Variants in C1S observed in about 807,000 individuals in gnomAD.
C1S encodes the protein complement C1s subcomponent.
A neutral mutation model predicts 54.0 loss-of-function variants in C1S; 31 were observed. The ratio of observed to expected loss-of-function variants is 0.57; its 90% CI spans 0.43 to 0.78. The LOEUF (loss-of-function observed/expected upper bound fraction) is 0.78. Ranked by LOEUF, C1S falls within the 30% of genes least tolerant of loss-of-function variation. The probability of loss-of-function intolerance (pLI) is 0.00; values close to 1 mark genes in which losing one functional copy is unlikely to be tolerated. For missense variants in C1S, 727 were observed against 851.8 expected (o/e 0.85, Z 1.82); for synonymous variants, 292 against 303.6 (o/e 0.96, Z 0.40).
rs917851913 is a variant in C1S at position 7,064,411 on chromosome 12, G to A, written c.517+19G>A. 4 of 1,613,930 alleles carry A rather than the reference G, an allele frequency of 2.5e-6. No homozygotes were observed. In the African/African-American group the frequency reaches 4.0e-5, roughly 16 times the overall value. On this transcript the variant is annotated intron_variant, in intron 5 of 11. Transcript: ENST00000360817. ...TGCGGAGGTGAGCTTGGTGTTAAGA[G>A]GGTTGCATGTTCCCTGGGATTTGGA...
At chr12:7,068,596 C>T in intron 11 of C1S, 66 bp downstream of exon 11, 1 of 1,061,024 alleles carries the variant, frequency 9.4e-7, no homozygotes, top group Non-Finnish European at 1.5e-6. Context: ...CTTCTGAAAG[C>T]AACTGTAATC....
At chr12:7,063,798 G>T (rs1358047512) in intron 4 of C1S, 5 of 355,636 alleles carry the variant, frequency 1.4e-5, no homozygotes, top group Non-Finnish European at 2.8e-5. Context: ...GCTGAGGCAG[G>T]TGGATTACCG....
Position 7,070,590 on chromosome 12 carries a change from A to T in C1S, c.2006A>T (p.Lys669Met). The T allele has an allele frequency of 1.2e-6, 2 of 1,614,174 alleles. No individual in the cohort carries two copies. Among genetic ancestry groups the T allele is most frequent in the Non-Finnish European group, 1.7e-6 (2 of 1,180,028 alleles). Residue 669 changes from lysine (K) to methionine (M), a missense_variant, in exon 12 of 12, where the codon AAG becomes ATG. Physicochemically the swap from Lys to Met is moderately conservative, Grantham distance 95 (BLOSUM62 -1). Coordinates refer to ENST00000360817, the MANE Select transcript of C1S (RefSeq NM_001734.5). This position sits in a 1 kb window ranked among gnomAD's most constrained non-coding sequence, Gnocchi z 4.9. ...ACCTATGGGCTCTACACACGGGTAA[A>T]GAACTATGTTGACTGGATAATGAAG... The part of the protein sequence containing the change: ...CGTYGLYTRV[K>M]NYVDWIMKTM...
intron 2 of C1S, 55 bp from the exon 3 acceptor site, chr12:7,062,419 CT>C: frequency 1.5e-6 from 2 of 1,320,728 alleles, no homozygotes; most frequent in Non-Finnish European, 2.2e-6. Context: ...ATAGCGCGTT[CT>C]GTCCTAGGCT....
chr12:7,066,037 C>T, intron 7 of C1S, 67 bp downstream of exon 7: 1 of 1,405,400 alleles, frequency 7.1e-7, no homozygotes, highest in Admixed American at 1.7e-5. Flanking sequence ...GGGATCAAAG[C>T]AGGTAGATGA....
Position 7,067,840 on chromosome 12 carries a change from G to A in C1S, c.1195+69G>A, listed in dbSNP as rs1555162569. 9 of 1,497,822 alleles carry A rather than the reference G, an allele frequency of 6.0e-6. 1 individual carries two copies. In the South Asian group the frequency reaches 1.0e-4, roughly 17 times the overall value. The allele number at this position is 1,497,822 out of a possible 1,614,324, so 92.8% of individuals were successfully genotyped here. A position where few individuals can be genotyped will look rare whatever the true frequency, so the allele number is the denominator to read the frequency against. On this transcript the variant is annotated intron_variant, in intron 10 of 11. Transcript: ENST00000360817. ...TGTTGGAGGGTGGATAGCATAATCT[G>A]TGCCAGAGACAGAGTTTGGAGACAA...
Position 7,062,531 on chromosome 12 carries a change from G to A in C1S, c.62G>A (p.Gly21Glu), listed in dbSNP as rs1364270858. The A allele has an allele frequency of 3.1e-6, 5 of 1,613,746 alleles. No homozygotes were observed. In the Admixed American group the frequency reaches 8.3e-5, roughly 27 times the overall value. ...AWVYAEPTMY[G>E]EILSPNYPQA... ...GTTTATGCTGAGCCTACCATGTATGGGGAGATCCTGTCCCCTAACTATCCT... is the reference window on the plus strand; with the variant it reads ...GTTTATGCTGAGCCTACCATGTATGAGGAGATCCTGTCCCCTAACTATCCT... Residue 21 changes from glycine to glutamate, a missense_variant, in exon 3 of 12, where the codon GGG becomes GAG. Gly to Glu is a moderately conservative substitution (Grantham distance 98). This residue lies in a region of C1S where 357 missense variants were observed against 365.4 expected (regional missense o/e 0.98). Coordinates refer to ENST00000360817, the MANE Select transcript of C1S (RefSeq NM_001734.5).
In C1S at chr12:7,060,744, A is replaced by AAG. The variant is rs1947077261; in HGVS notation, c.-208_-207insAG. Reference sequence around the variant, plus strand: ...TCTTATGAACAGAACCAGGACAGGGAGGCTGGCCGGAGGTTCCTGCAGAGG... The same window carrying AAG: ...TCTTATGAACAGAACCAGGACAGGGAAGGGCTGGCCGGAGGTTCCTGCAGAGG... On this transcript the variant is annotated 5_prime_UTR_variant, in exon 1 of 12. An upstream open reading frame in the 5' UTR loses its in-frame stop. Coordinates refer to ENST00000360817, the MANE Select transcript of C1S (RefSeq NM_001734.5). The AAG allele has an allele frequency of 6.6e-6, 1 of 152,300 alleles. No homozygotes were observed. The highest frequency in any genetic ancestry group is 1.5e-5 in the Non-Finnish European group (1 of 68,154). 9.4% of individuals were successfully genotyped at this position (152,300 alleles called of 1,614,324 possible). A position where few individuals can be genotyped will look rare whatever the true frequency, so the allele number is the denominator to read the frequency against.
rs145396628 is a variant in C1S, at chr12:7,062,377, CTCT to C, written c.6-92_6-90del. The C allele has an allele frequency of 3.0e-3, 2,670 of 891,616 alleles. 46 individuals are homozygous for C. The highest frequency in any genetic ancestry group is 0.025 in the South Asian group (1,835 of 73,410). The allele number at this position is 891,616 out of a possible 1,614,324, so 55.2% of individuals were successfully genotyped here. ...CTCCCCCATGGCCGATTGACTGCCT[CTCT>C]TCTTCCCCCTTTCTTCTGCCTCTGG... On this transcript the variant is annotated intron_variant, in intron 2 of 11. Transcript: ENST00000360817.
intron 8 of C1S, 23 bp from the exon 9 acceptor site, chr12:7,067,016 T>G: frequency 6.4e-7 from 1 of 1,555,912 alleles, no homozygotes; most frequent in Non-Finnish European, 8.9e-7. Context: ...CAGAAATAAG[T>G]GGTGATGTTT....
chr12:7,069,334 C>T (rs1228867083), intron 11 of C1S, among the ~76,000 whole-genome samples: 3 of 152,088 alleles, frequency 2.0e-5, no homozygotes, highest in Non-Finnish European at 4.4e-5. Flanking sequence ...AGGGACCCCT[C>T]TCTACTTCCT....
chr12:7,061,416 C>T (rs1484936003), intron 1 of C1S: 3 of 235,146 alleles, frequency 1.3e-5, no homozygotes, highest in African/African-American at 2.2e-5. Flanking sequence ...GAGGTGATCA[C>T]GGTTAAAGAA....
Position 7,061,841 on chromosome 12 carries a change from T to TC in C1S, c.-70dup. ...CAGCCAGGCCTGCCACCCCTTAGGC[T>TC]CCAAAGTCCGGAGGTGCAGAAAGCC... is the stretch of plus-strand genomic sequence containing the variant. On this transcript the variant is annotated 5_prime_UTR_variant, in exon 2 of 12. Transcript: ENST00000360817. The TC allele has an allele frequency of 6.3e-7, 1 of 1,591,354 alleles. No homozygotes were observed. The highest frequency in any genetic ancestry group is 8.6e-7 in the Non-Finnish European group (1 of 1,159,690).
intron 11 of C1S, among the ~76,000 whole-genome samples, chr12:7,069,206 A>G (rs185356962): frequency 1.5e-3 from 233 of 152,318 alleles, no homozygotes; most frequent in Non-Finnish European, 2.7e-3. Flanking sequence ...CTCAACTTGG[A>G]GTCCCTCCAG....
chr12:7,067,878 GGACA>G, intron 10 of C1S, 107 bp downstream of exon 10: 3 of 1,194,934 alleles, frequency 2.5e-6, no homozygotes, highest in Non-Finnish European at 3.7e-6. Flanking sequence ...GAAGGCGATA[GGACA>G]GACATTGTTC....
At chr12:7,067,544 A>G in intron 9 of C1S, 99 bp from the exon 10 acceptor site, 2 of 1,354,308 alleles carry the variant, frequency 1.5e-6, no homozygotes, top group Non-Finnish European at 2.1e-6. Context: ...GTGCCTGTGG[A>G]TATGGGGTGG....
At position 7,070,339 on chromosome 12, in the gene C1S, AAGGTTACCTGTAGCTCCTT is replaced by A. The variant is rs1937816294; in HGVS notation, c.1756_1774del (p.Arg586Ter). On this transcript the variant is annotated frameshift_variant, in exon 12 of 12. Coordinates refer to ENST00000360817, the MANE Select transcript of C1S (RefSeq NM_001734.5). LOFTEE classifies it low-confidence loss of function (END_TRUNC). This position sits in a 1 kb window ranked among gnomAD's most constrained non-coding sequence, Gnocchi z 4.9. ...ATCGTGCTGTTCGCCTCAAGGCGGC[AAGGTTACCTGTAGCTCCTT>A]TAAGAAAATGCAAAGAAGTGAAAGT... The A allele has an allele frequency of 1.2e-6, 2 of 1,614,140 alleles. No homozygotes were observed. Among genetic ancestry groups the A allele is most frequent in the Non-Finnish European group, 1.7e-6 (2 of 1,180,058 alleles).
intron 10 of C1S, among the ~76,000 whole-genome samples, chr12:7,068,206 C>T (rs748078440): frequency 4.9e-4 from 74 of 152,202 alleles, no homozygotes; most frequent in Non-Finnish European, 9.4e-4. Context: ...GTATTTATTT[C>T]GCCACTTTCC....
Position 7,069,916 on chromosome 12 carries a change from A to C in C1S, c.1332A>C (p.Ala444=), listed in dbSNP as rs1555162904. The C allele has an allele frequency of 6.2e-7, 1 of 1,614,180 alleles. No homozygotes were observed. Among genetic ancestry groups the C allele is most frequent in the South Asian group, 1.1e-5 (1 of 91,082 alleles). Residue 444 remains alanine (A), a synonymous_variant, in exon 12 of 12, where the codon GCA becomes GCC. Transcript: ENST00000360817. ...AGAGGATAATTGGAGGATCCGATGC[A>C]GATATTAAAAACTTCCCCTGGCAAG... The part of the protein sequence containing the change: ...EKQRIIGGSD[A]DIKNFPWQVF...
Sources: allele counts gnomAD v4.1 joint callset (sites outside exome capture counted in the v4.1 genomes callset), GRCh38; gene constraint gnomAD v4.1.1; regional missense constraint gnomAD v4.1.1; non-coding constraint Gnocchi (gnomAD v3.1); transcripts MANE v1.5; gene names NCBI Gene and HGNC (gene_info 2026-07-23, HGNC 2026-07-21).